Variants in TENM3 observed in about 807,000 individuals in gnomAD.
The protein encoded by TENM3 is teneurin-3.
Under a neutral mutation model 255.1 loss-of-function variants are expected in TENM3, and 63 were observed. That is an observed-to-expected ratio of 0.25 (90% confidence interval 0.20 to 0.30). The LOEUF (loss-of-function observed/expected upper bound fraction) is 0.30, where lower values mean the gene tolerates loss of function less well. Among genes scored for constraint, TENM3 ranks in the 10% least tolerant of loss-of-function variants. The pLI, the probability that TENM3 is intolerant of heterozygous loss-of-function variation, is 1.00. For missense variants in TENM3, 2,929 were observed against 3,461.1 expected (o/e 0.85, Z 3.86); for synonymous variants, 1,306 against 1,322.3 (o/e 0.99, Z 0.27).
At chr4:181,980,208 G>A in the TENM3 span, 1 of 152,234 alleles carries the variant, frequency 6.6e-6, no homozygotes, top group East Asian at 1.9e-4. Context: ...TTATTCCACA[G>A]TGTGGGTAAG....
chr4:182,618,080 G>A (rs17258716), intron 4 of TENM3, among the ~76,000 whole-genome samples: 31,266 of 152,094 alleles, frequency 0.21, 3,741 homozygotes, highest in Non-Finnish European at 0.27. Flanking sequence ...AACATTGAAG[G>A]AAACAAACTA....
At chr4:182,288,085 G>A (rs1475782707) in intron 1 of TENM3, among the ~76,000 whole-genome samples, 2 of 151,920 alleles carry the variant, frequency 1.3e-5, no homozygotes, top group African/African-American at 4.8e-5. Context: ...TTACAGGCGT[G>A]CACCACCACA....
chr4:182,476,347 T>TTG (rs1233315917), intron 3 of TENM3, among the ~76,000 whole-genome samples: 4 of 152,326 alleles, frequency 2.6e-5, no homozygotes, highest in Admixed American at 2.6e-4. Context: ...TGACTTTTAA[T>TTG]TGTTTGGGTT....
chr4:181,607,217 G>T, the TENM3 span, among the ~76,000 whole-genome samples: 1 of 152,094 alleles, frequency 6.6e-6, no homozygotes. Flanking sequence ...TATACTATCA[G>T]CCACTCTTCC....
intron 6 of TENM3, among the ~76,000 whole-genome samples, chr4:182,669,679 A>G (rs1285606103): frequency 1.3e-5 from 2 of 152,190 alleles, no homozygotes; most frequent in African/African-American, 4.8e-5. Context: ...GTGACTTAAT[A>G]TATCTGATTT....
intron 5 of TENM3, among the ~76,000 whole-genome samples, chr4:182,646,903 T>C (rs954481873): frequency 1.1e-4 from 16 of 152,274 alleles, no homozygotes; most frequent in Middle Eastern, 3.4e-3. Flanking sequence ...TTGAGATACC[T>C]GGTAGTAAAG....
chr4:181,689,808 T>C, the TENM3 span, among the ~76,000 whole-genome samples: 118,331 of 152,040 alleles, frequency 0.78, 46,472 homozygotes, highest in Admixed American at 0.87. Context: ...GTGCTTTTCT[T>C]CTTCTTATTG....
At chr4:182,457,990 T>C (rs1774006661) in intron 3 of TENM3, among the ~76,000 whole-genome samples, 1 of 152,242 alleles carries the variant, frequency 6.6e-6, no homozygotes, top group Non-Finnish European at 1.5e-5. Context: ...ATGATACCAG[T>C]CTATAACTTT....
chr4:182,741,040 G>A (rs760762869), intron 18 of TENM3, among the ~76,000 whole-genome samples: 2 of 152,270 alleles, frequency 1.3e-5, no homozygotes, highest in East Asian at 3.9e-4. Context: ...GCCAGGCTTA[G>A]TAGTGGGCAC....
chr4:182,081,534 A>C, the TENM3 span, among the ~76,000 whole-genome samples: 6 of 144,862 alleles, frequency 4.1e-5, no homozygotes, highest in African/African-American at 1.5e-4. Flanking sequence ...CAGTGAGCTG[A>C]GATCATGCCA....
the TENM3 span, among the ~76,000 whole-genome samples, chr4:181,996,910 A>C: frequency 6.6e-6 from 1 of 152,182 alleles, no homozygotes; most frequent in African/African-American, 2.4e-5. Flanking sequence ...TCTTCTGAGG[A>C]GCGGATTATA....
At chr4:182,687,643 T>C (rs1257194709) in intron 11 of TENM3, among the ~76,000 whole-genome samples, 1 of 152,240 alleles carries the variant, frequency 6.6e-6, no homozygotes, top group Non-Finnish European at 1.5e-5. Context: ...CTAATTTACT[T>C]AAGTAGATTC....
At chr4:182,161,921 GTA>G (rs545310351) in intron 1 of TENM3, among the ~76,000 whole-genome samples, 19,064 of 36,362 alleles carry the variant, frequency 0.52, 8,830 homozygotes, top group Admixed American at 0.71. Context: ...ACATGTATGT[GTA>G]TATATATACA....
chr4:181,999,026 C>A, the TENM3 span, among the ~76,000 whole-genome samples: 1 of 152,152 alleles, frequency 6.6e-6, no homozygotes, highest in Non-Finnish European at 1.5e-5. Context: ...GAGCTCTTGG[C>A]TGGTGGTTGA....
At chr4:182,618,028 CTTTG>C (rs972084030) in intron 4 of TENM3, among the ~76,000 whole-genome samples, 1 of 152,142 alleles carries the variant, frequency 6.6e-6, no homozygotes, top group Non-Finnish European at 1.5e-5. Flanking sequence ...TAATTATTTG[CTTTG>C]TTTGTTAATC....
At chr4:182,396,676 T>C (rs1218643912) in intron 3 of TENM3, among the ~76,000 whole-genome samples, 1 of 152,164 alleles carries the variant, frequency 6.6e-6, no homozygotes, top group Non-Finnish European at 1.5e-5. Flanking sequence ...AAGAAACAAA[T>C]CCTGACCAGG....
At chr4:182,228,957 G>A (rs1306094078) in intron 1 of TENM3, among the ~76,000 whole-genome samples, 4 of 152,172 alleles carry the variant, frequency 2.6e-5, no homozygotes, top group African/African-American at 7.2e-5. Flanking sequence ...CATGGGGCAT[G>A]TCTCAGAAGT....
chr4:182,601,216 A>AT (rs974976676), intron 4 of TENM3, 55 bp downstream of exon 4: 2 of 1,372,034 alleles, frequency 1.5e-6, no homozygotes, highest in Non-Finnish European at 2.1e-6. Flanking sequence ...ACCAGGAGCA[A>AT]TTTACTATAC....
chr4:181,658,368 C>T, the TENM3 span, among the ~76,000 whole-genome samples: 8,513 of 152,174 alleles, frequency 0.056, 343 homozygotes, highest in Middle Eastern at 0.16. Flanking sequence ...ACAGAATAAC[C>T]GTCCATATAT....
Sources: gnomAD v4.1 joint callset for allele counts (sites outside exome capture counted in the v4.1 genomes callset) on GRCh38, gnomAD v4.1.1 for gene constraint, MANE v1.5 for transcripts, NCBI Gene and HGNC (gene_info 2026-07-23, HGNC 2026-07-21) for gene names.